CDH26: variants seen among roughly 807,000 people sequenced by gnomAD.
The protein encoded by CDH26 is cadherin-like protein 26.
Under a neutral mutation model 90.3 loss-of-function variants are expected in CDH26, and 83 were observed. That is an observed-to-expected ratio of 0.92 (90% CI 0.77 to 1.10). CDH26 has a LOEUF of 1.10. Among genes scored for constraint, CDH26 ranks in the 50% least tolerant of loss-of-function variants. The probability of loss-of-function intolerance (pLI) is 0.00; values close to 1 mark genes in which losing one functional copy is unlikely to be tolerated. For missense variants in CDH26, 1,013 were observed against 1,037.6 expected, an observed-to-expected ratio of 0.98 and a Z score of 0.33; for synonymous variants, 397 against 396.3, an observed-to-expected ratio of 1.00 and a Z score of -0.02.
intron 12 of CDH26, 53 bp from the exon 13 acceptor site, chr20:59,996,578 C>T (rs1459071372): frequency 1.2e-6 from 2 of 1,614,046 alleles, no homozygotes; most frequent in Non-Finnish European, 1.7e-6. Context: ...CTCATGAAAC[C>T]TCTGATATGG....
chr20:59,960,255 G>A (rs1417674236), intron 1 of CDH26, among the ~76,000 whole-genome samples: 5 of 152,172 alleles, frequency 3.3e-5, no homozygotes, highest in African/African-American at 4.8e-5. Context: ...ACCTTGTTAA[G>A]CCTATTTTTC....
At chr20:60,007,986 C>A (rs2061776624) in intron 17 of CDH26, among the ~76,000 whole-genome samples, 1 of 152,176 alleles carries the variant, frequency 6.6e-6, no homozygotes, top group South Asian at 2.1e-4. Context: ...GGGAGCTGGG[C>A]AAACCCATGG....
intron 7 of CDH26, among the ~76,000 whole-genome samples, chr20:59,986,931 C>T (rs1288988930): frequency 1.3e-5 from 2 of 152,104 alleles, no homozygotes; most frequent in African/African-American, 2.4e-5. Flanking sequence ...AAGCAATGCT[C>T]TCAAAAATAT....
intron 8 of CDH26, 42 bp downstream of exon 8, chr20:59,987,680 C>T (rs138953553): frequency 5.3e-5 from 81 of 1,517,090 alleles, no homozygotes; most frequent in East Asian, 3.2e-4. Flanking sequence ...TAGTGGCAGA[C>T]GCTGAGGCCT....
chr20:60,014,651 A>C (rs1569065376), downstream of CDH26: 1 of 152,232 alleles, frequency 6.6e-6, no homozygotes, highest in Non-Finnish European at 1.5e-5. Context: ...TAGTGGCTGA[A>C]TAATATTTCA....
At chr20:59,969,567 A>G (rs934139400) in intron 2 of CDH26, among the ~76,000 whole-genome samples, 1 of 152,222 alleles carries the variant, frequency 6.6e-6, no homozygotes, top group African/African-American at 2.4e-5. Flanking sequence ...TAAATTTCAT[A>G]TATTCTCTTA....
intron 1 of CDH26, among the ~76,000 whole-genome samples, chr20:59,961,247 C>T (rs185082205): frequency 1.1e-4 from 17 of 150,102 alleles, no homozygotes; most frequent in Non-Finnish European, 8.9e-5. Context: ...TTCCCTCTGG[C>T]GTATTAGTGC....
intron 4 of CDH26, among the ~76,000 whole-genome samples, chr20:59,980,470 T>C (rs1176729529): frequency 2.0e-5 from 3 of 151,700 alleles, no homozygotes; most frequent in Non-Finnish European, 2.9e-5. Context: ...AATTTTTGTA[T>C]TTTTTTTAGT....
chr20:60,029,371 A>ACC (rs2062023081), intron 7 of CDH26, among the ~76,000 whole-genome samples: 1 of 152,024 alleles, frequency 6.6e-6, no homozygotes, highest in Non-Finnish European at 1.5e-5. Flanking sequence ...ACAACGTAGC[A>ACC]TCTATAGTCA....
chr20:60,023,797 G>A (rs888577307), intron 7 of CDH26, among the ~76,000 whole-genome samples: 40 of 152,294 alleles, frequency 2.6e-4, no homozygotes, highest in African/African-American at 8.7e-4. Flanking sequence ...TATATCAGTC[G>A]TAGAAATGGT....
intron 8 of CDH26, among the ~76,000 whole-genome samples, chr20:59,988,578 T>G (rs1462263935): frequency 6.6e-6 from 1 of 152,210 alleles, no homozygotes; most frequent in Non-Finnish European, 1.5e-5. Flanking sequence ...TATATTTCCC[T>G]AAGTTCCCCT....
chr20:60,028,715 C>T (rs1225637372), intron 7 of CDH26, among the ~76,000 whole-genome samples: 2 of 152,074 alleles, frequency 1.3e-5, no homozygotes, highest in African/African-American at 4.8e-5. Flanking sequence ...ACATCTGAAC[C>T]CTGGTACACT....
At chr20:60,031,220 G>C (rs1194533810) in intron 7 of CDH26, 2 of 1,169,180 alleles carry the variant, frequency 1.7e-6, no homozygotes, top group Non-Finnish European at 2.2e-6. Context: ...CCTCTTACCT[G>C]CTTTGTGTAG....
intron 7 of CDH26, among the ~76,000 whole-genome samples, chr20:60,024,879 C>T (rs1242273536): frequency 6.6e-6 from 1 of 152,240 alleles, no homozygotes; most frequent in East Asian, 1.9e-4. Flanking sequence ...TGACTAAGTT[C>T]TGGCCAATGG....
intron 7 of CDH26, among the ~76,000 whole-genome samples, chr20:60,025,569 C>T (rs2061990219): frequency 6.6e-6 from 1 of 152,204 alleles, no homozygotes; most frequent in Non-Finnish European, 1.5e-5. Flanking sequence ...TCAGCCTCAG[C>T]GACACCCTTC....
At chr20:60,006,932 TG>T in intron 17 of CDH26, 145 bp downstream of exon 17, 1 of 632,792 alleles carries the variant, frequency 1.6e-6, no homozygotes, top group South Asian at 1.9e-5. Flanking sequence ...GCCTGACTGG[TG>T]GCTTAAATAA....
In CDH26 at chr20:60,012,855, G is replaced by C; in HGVS notation, c.*125G>C. 2 of 811,196 alleles carry C rather than the reference G, an allele frequency of 2.5e-6. No homozygotes were observed. The highest frequency in any genetic ancestry group is 3.6e-5 in the South Asian group (2 of 55,486). 50.2% of individuals were successfully genotyped at this position (811,196 alleles called of 1,614,324 possible). On this transcript the variant is annotated 3_prime_UTR_variant, in exon 18 of 18. Transcript: ENST00000348616. The stretch of plus-strand genomic sequence containing the variant: ...AATTACCTTCTAGTCCTAGGATGAG[G>C]ACACACTATTAGTTTGAATTAAATG...
chr20:60,015,515 T>C (rs376745463), downstream of CDH26, among the ~76,000 whole-genome samples: 13 of 152,366 alleles, frequency 8.5e-5, no homozygotes, highest in African/African-American at 2.9e-4. Flanking sequence ...TCCTCGTGTA[T>C]TCCAGATAAT....
chr20:59,977,296 C>T (rs1235492790), intron 4 of CDH26, among the ~76,000 whole-genome samples: 2 of 152,134 alleles, frequency 1.3e-5, no homozygotes, highest in Non-Finnish European at 2.9e-5. Context: ...GGTCTGACTG[C>T]AGAACAGGCC....
Sources: allele counts gnomAD v4.1 joint callset (sites outside exome capture counted in the v4.1 genomes callset), GRCh38; gene constraint gnomAD v4.1.1; transcripts MANE v1.5; gene names NCBI Gene and HGNC (gene_info 2026-07-23, HGNC 2026-07-21).